Variants in PAM observed in about 807,000 individuals in gnomAD.
The protein encoded by PAM is peptidylglycine alpha-amidating monooxygenase.
PAM carries 72 observed loss-of-function variants against 122.1 expected under a neutral mutation model. That is an observed-to-expected ratio of 0.59 (90% CI 0.49 to 0.72). The LOEUF (loss-of-function observed/expected upper bound fraction) is 0.72, where lower values mean the gene tolerates loss of function less well. Ranked by LOEUF, PAM falls within the 30% of genes least tolerant of loss-of-function variation. The probability of loss-of-function intolerance (pLI) is 0.00; values close to 1 mark genes in which losing one functional copy is unlikely to be tolerated. For missense variants in PAM, 1,106 were observed against 1,183.7 expected, an observed-to-expected ratio of 0.93 and a Z score of 0.96; for synonymous variants, 389 against 404.4, an observed-to-expected ratio of 0.96 and a Z score of 0.46.
intron 12 of PAM, among the ~76,000 whole-genome samples, chr5:102,959,366 G>A (rs3776870): frequency 0.25 from 37,271 of 151,938 alleles, 5,362 homozygotes; most frequent in East Asian, 0.43. Context: ...GAAGGAGGCA[G>A]TTAACCAAAA....
At chr5:102,828,485 A>T (rs1292404478) in intron 1 of PAM, among the ~76,000 whole-genome samples, 1 of 152,150 alleles carries the variant, frequency 6.6e-6, no homozygotes, top group Non-Finnish European at 1.5e-5. Flanking sequence ...GGTGTGCTCT[A>T]GGGAACACTA....
chr5:102,938,886 T>G (rs1754154125), intron 7 of PAM, among the ~76,000 whole-genome samples: 1 of 152,140 alleles, frequency 6.6e-6, no homozygotes, highest in East Asian at 1.9e-4. Flanking sequence ...CTTCCTGCCT[T>G]TCACGCTGTT....
chr5:102,912,307 G>A (rs1177491648), intron 4 of PAM, among the ~76,000 whole-genome samples: 2 of 151,932 alleles, frequency 1.3e-5, no homozygotes, highest in Non-Finnish European at 2.9e-5. Context: ...AAACGTGGGA[G>A]GGGGAGGAGG....
At chr5:102,996,420 G>A (rs763100426) in intron 16 of PAM, among the ~76,000 whole-genome samples, 1 of 152,166 alleles carries the variant, frequency 6.6e-6, no homozygotes, top group Non-Finnish European at 1.5e-5. Context: ...CTATAGCAAC[G>A]GTGTATCCAG....
At chr5:102,792,354 T>C (rs574969003) in intron 1 of PAM, among the ~76,000 whole-genome samples, 5 of 152,290 alleles carry the variant, frequency 3.3e-5, no homozygotes, top group Admixed American at 6.5e-5. Flanking sequence ...ATAAACGACG[T>C]GGGGAAAGAC....
At chr5:103,006,299 T>G (rs1778951901) in intron 18 of PAM, among the ~76,000 whole-genome samples, 1 of 152,182 alleles carries the variant, frequency 6.6e-6, no homozygotes, top group African/African-American at 2.4e-5. Flanking sequence ...TACCTTAATC[T>G]TCTATAAATT....
At chr5:102,853,198 T>C (rs1781752577) in intron 1 of PAM, among the ~76,000 whole-genome samples, 1 of 152,228 alleles carries the variant, frequency 6.6e-6, no homozygotes, top group African/African-American at 2.4e-5. Flanking sequence ...AAATGTTTCC[T>C]AATAATCCTG....
intron 1 of PAM, among the ~76,000 whole-genome samples, chr5:102,761,112 G>T (rs1443487959): frequency 6.6e-6 from 1 of 152,236 alleles, no homozygotes; most frequent in Non-Finnish European, 1.5e-5. Context: ...CTGCAACCCA[G>T]CTGTGCTGGT....
intron 15 of PAM, among the ~76,000 whole-genome samples, chr5:102,975,534 GT>G (rs1290970183): frequency 6.6e-6 from 1 of 152,152 alleles, no homozygotes; most frequent in Non-Finnish European, 1.5e-5. Flanking sequence ...ATAAAACTAT[GT>G]TTCTCATGAG....
chr5:102,868,031 G>A (rs1338085151), intron 3 of PAM, among the ~76,000 whole-genome samples: 4 of 152,124 alleles, frequency 2.6e-5, no homozygotes, highest in East Asian at 1.9e-4. Flanking sequence ...TTAGGTACAC[G>A]CAAGAAGCTC....
At chr5:102,788,809 C>T (rs258233) in intron 1 of PAM, among the ~76,000 whole-genome samples, 64,794 of 151,868 alleles carry the variant, frequency 0.43, 14,647 homozygotes, top group African/African-American at 0.57. Context: ...TAAGTAACTA[C>T]TATTTTAATA....
chr5:102,927,611 T>G (rs1418291936), intron 7 of PAM, among the ~76,000 whole-genome samples: 2 of 152,008 alleles, frequency 1.3e-5, no homozygotes, highest in Non-Finnish European at 2.9e-5. Context: ...GAGAGCCCCA[T>G]GGGGTAGAAA....
At chr5:102,993,827 A>G (rs1301849135) in intron 16 of PAM, among the ~76,000 whole-genome samples, 1 of 152,114 alleles carries the variant, frequency 6.6e-6, no homozygotes, top group Non-Finnish European at 1.5e-5. Context: ...ATGCCTGATA[A>G]GTCAACATAA....
intron 7 of PAM, among the ~76,000 whole-genome samples, chr5:102,934,999 C>T (rs987611270): frequency 3.3e-5 from 5 of 152,100 alleles, no homozygotes; most frequent in Middle Eastern, 3.2e-3. Flanking sequence ...TGCACATTTT[C>T]CCTTTAAAAT....
At chr5:102,940,046 A>G (rs1754584986) in intron 7 of PAM, among the ~76,000 whole-genome samples, 1 of 151,876 alleles carries the variant, frequency 6.6e-6, no homozygotes, top group Non-Finnish European at 1.5e-5. Context: ...AAGAGAGACA[A>G]CACATTGTTG....
chr5:102,825,717 A>G (rs6875826), intron 1 of PAM, among the ~76,000 whole-genome samples: 3,961 of 152,234 alleles, frequency 0.026, 101 homozygotes, highest in East Asian at 0.14. Flanking sequence ...GTTTGGTGGC[A>G]TGTGCCTCTA....
At chr5:102,799,730 C>T (rs1455518573) in intron 1 of PAM, among the ~76,000 whole-genome samples, 1 of 152,112 alleles carries the variant, frequency 6.6e-6, no homozygotes, top group Non-Finnish European at 1.5e-5. Flanking sequence ...CCTCAGACTC[C>T]GTCTCAACAC....
At chr5:102,792,843 G>A (rs532356239) in intron 1 of PAM, among the ~76,000 whole-genome samples, 8 of 152,148 alleles carry the variant, frequency 5.3e-5, no homozygotes, top group Non-Finnish European at 1.2e-4. Flanking sequence ...TTGATTATGA[G>A]CAGGAAATGT....
At chr5:102,963,636 A>G (rs1444557787) in intron 14 of PAM, among the ~76,000 whole-genome samples, 1 of 151,872 alleles carries the variant, frequency 6.6e-6, no homozygotes, top group African/African-American at 2.4e-5. Context: ...TGTTGGTCCT[A>G]CAGAAGATGT....
Sources: allele counts gnomAD v4.1 joint callset (sites outside exome capture counted in the v4.1 genomes callset), GRCh38; gene constraint gnomAD v4.1.1; transcripts MANE v1.5; gene names NCBI Gene and HGNC (gene_info 2026-07-23, HGNC 2026-07-21).